Variants in SPATA13 observed in about 807,000 individuals in gnomAD.
SPATA13 encodes spermatogenesis associated 13, also known as spermatogenesis-associated protein 13.
Under a neutral mutation model 104.0 loss-of-function variants are expected in SPATA13, and 50 were observed. The ratio of observed to expected loss-of-function variants is 0.48; its 90% CI spans 0.38 to 0.61. The LOEUF (loss-of-function observed/expected upper bound fraction) is 0.61, where lower values mean the gene tolerates loss of function less well. SPATA13 is among the 20% of genes least tolerant of loss of function. The pLI is 0.00. For missense variants in SPATA13, 1,524 were observed against 1,690.6 expected (o/e 0.90, Z 1.73); for synonymous variants, 606 against 667.5 (o/e 0.91, Z 1.42).
intron 3 of SPATA13, among the ~76,000 whole-genome samples, chr13:24,063,291 AT>A (rs1329523443): frequency 6.6e-6 from 1 of 152,184 alleles, no homozygotes; most frequent in Non-Finnish European, 1.5e-5. Flanking sequence ...AGGATATCTG[AT>A]TTTTTAATTG....
At chr13:24,301,834 G>A (rs1329430604) in intron 12 of SPATA13, among the ~76,000 whole-genome samples, 2 of 152,200 alleles carry the variant, frequency 1.3e-5, no homozygotes, top group African/African-American at 4.8e-5. Flanking sequence ...TGCCGGTGAA[G>A]TTTTGATTAG....
Position 24,037,553 on chromosome 13 carries a change from GTGCA to G in SPATA13, c.-112+19853_-112+19856del, listed in dbSNP as rs1451670517. Among the ~76,000 whole-genome samples, 5 of 2,300 alleles carry G rather than the reference GTGCA, an allele frequency of 2.2e-3. No individual in the cohort carries two copies. In the Non-Finnish European group the frequency reaches 0.048, roughly 22 times the overall value. The allele number at this position is 2,300 out of a possible 152,430, so 1.5% of individuals were successfully genotyped here. A position where few individuals can be genotyped will look rare whatever the true frequency, so the allele number is the denominator to read the frequency against. ...CTCCTGAGTAGCTGGGACTACAGGTGTGCACACCACCACACCTGGCTAATTTTTG... is the reference window on the plus strand; with the variant it reads ...CTCCTGAGTAGCTGGGACTACAGGTGCACCACCACACCTGGCTAATTTTTG... On this transcript the variant is annotated intron_variant, in intron 3 of 14. Transcript: ENST00000424834.
intron 3 of SPATA13, among the ~76,000 whole-genome samples, chr13:24,063,778 C>A (rs1358191490): frequency 1.3e-5 from 2 of 152,222 alleles, no homozygotes; most frequent in African/African-American, 4.8e-5. Context: ...CTCTCTACGG[C>A]ACATGTCATC....
chr13:24,123,679 C>A (rs796478088), intron 3 of SPATA13: 1 of 1,586,172 alleles, frequency 6.3e-7, no homozygotes, highest in African/African-American at 1.3e-5. Flanking sequence ...CATATATATT[C>A]GTAAGGGTCT....
At chr13:24,081,882 G>A (rs1381228017) in intron 3 of SPATA13, among the ~76,000 whole-genome samples, 1 of 152,158 alleles carries the variant, frequency 6.6e-6, no homozygotes, top group African/African-American at 2.4e-5. Context: ...AGACAATGCT[G>A]GAATAAGTTA....
chr13:24,075,314 C>G (rs547008858), intron 3 of SPATA13, among the ~76,000 whole-genome samples: 1 of 152,216 alleles, frequency 6.6e-6, no homozygotes, highest in African/African-American at 2.4e-5. Context: ...AATTATATCT[C>G]CAGAGCCTGG....
intron 3 of SPATA13, among the ~76,000 whole-genome samples, chr13:24,143,112 G>A (rs1308102739): frequency 2.0e-5 from 3 of 152,252 alleles, no homozygotes; most frequent in African/African-American, 4.8e-5. Context: ...GAAGGCTGGT[G>A]CCTCATCTTC....
intron 1 of SPATA13, among the ~76,000 whole-genome samples, chr13:24,218,455 T>A (rs1566155847): frequency 6.6e-6 from 1 of 152,270 alleles, no homozygotes; most frequent in East Asian, 1.9e-4. Flanking sequence ...TCAGCCTCAC[T>A]GGGCCCTAGC....
intron 3 of SPATA13, among the ~76,000 whole-genome samples, chr13:24,124,214 A>G (rs957909369): frequency 1.6e-4 from 25 of 152,200 alleles, no homozygotes; most frequent in Admixed American, 6.5e-5. Flanking sequence ...TCGGTTTTTA[A>G]AGATTTGTTT....
intron 1 of SPATA13, among the ~76,000 whole-genome samples, chr13:24,181,226 A>G (rs892100246): frequency 6.6e-6 from 1 of 152,222 alleles, no homozygotes; most frequent in African/African-American, 2.4e-5. Context: ...TCTAAACTTT[A>G]GAAATACTGT....
At chr13:24,138,305 GA>G (rs758105978) in intron 3 of SPATA13, among the ~76,000 whole-genome samples, 4,624 of 50,212 alleles carry the variant, frequency 0.092, 210 homozygotes, top group African/African-American at 0.25. Context: ...GACTCCGTCT[GA>G]AAAAAAAAAA....
At chr13:24,272,310 T>G (rs2138698830) in intron 4 of SPATA13, among the ~76,000 whole-genome samples, 1 of 152,328 alleles carries the variant, frequency 6.6e-6, no homozygotes, top group South Asian at 2.1e-4. Context: ...AGAAACAGCA[T>G]GCCAGAATCT....
intron 3 of SPATA13, among the ~76,000 whole-genome samples, chr13:24,106,923 T>A (rs1248102852): frequency 6.6e-6 from 1 of 152,094 alleles, no homozygotes; most frequent in East Asian, 1.9e-4. Context: ...AAGGTAGCCA[T>A]GTAGTGAAGT....
rs1444044263 is a variant in SPATA13, at chr13:24,282,549, A to G, written c.2165-1586A>G. On this transcript the variant is annotated intron_variant, in intron 4 of 12. Transcript: ENST00000382108. The stretch of plus-strand genomic sequence containing the variant: ...CTGCAGGCATGAGCTTGGCCTCCCA[A>G]CATGGATCTCAGTTCCTGATGCCAT... Among the ~76,000 whole-genome samples the G allele has an allele frequency of 9.9e-5, 15 of 151,858 alleles. No homozygotes were observed. The Admixed American group carries it at 9.9e-4, about 10-fold the overall frequency.
At chr13:24,021,953 T>C (rs1265684687) in intron 3 of SPATA13, among the ~76,000 whole-genome samples, 4 of 152,178 alleles carry the variant, frequency 2.6e-5, no homozygotes, top group South Asian at 4.2e-4. Flanking sequence ...CCTCGTAATC[T>C]GCCTGCCTCG....
intron 3 of SPATA13, among the ~76,000 whole-genome samples, chr13:24,104,526 T>C (rs925860488): frequency 7.2e-5 from 11 of 152,200 alleles, no homozygotes; most frequent in African/African-American, 2.4e-5. Context: ...TCTTCGTGGA[T>C]AGATACAAGG....
intron 3 of SPATA13, among the ~76,000 whole-genome samples, chr13:24,054,603 T>G (rs1878474905): frequency 1.3e-5 from 2 of 152,200 alleles, no homozygotes; most frequent in African/African-American, 4.8e-5. Flanking sequence ...AAACACAAAC[T>G]CTAAGAACTT....
intron 4 of SPATA13, among the ~76,000 whole-genome samples, chr13:24,267,082 A>G (rs1209171535): frequency 1.3e-5 from 2 of 152,088 alleles, no homozygotes; most frequent in African/African-American, 4.8e-5. Context: ...TCCTTGTTCT[A>G]TCATGCCCCT....
chr13:24,027,993 G>C lies in SPATA13; in HGVS notation c.-112+10292G>C, dbSNP rs9507219. 7.2e-3 allele frequency among the ~76,000 whole-genome samples: 1,097 copies of C among 152,246 alleles called. 6 individuals are homozygous for C. The highest frequency in any genetic ancestry group is 0.01 in the Non-Finnish European group (696 of 68,006). On this transcript the variant is annotated intron_variant, in intron 3 of 14. Coordinates refer to the SPATA13 transcript ENST00000424834. ...TTGTTTTTGTTATAATTCTGTTTTA[G>C]TAGTTTTTAATTTCTATTATATTTT...
Sources: gnomAD v4.1 joint callset for allele counts (sites outside exome capture counted in the v4.1 genomes callset) on GRCh38, gnomAD v4.1.1 for gene constraint, MANE v1.5 for transcripts, NCBI Gene and HGNC (gene_info 2026-07-23, HGNC 2026-07-21) for gene names.